The following DEUP1 variants were observed in gnomAD, a reference collection of about 807,000 sequenced individuals.
The protein encoded by DEUP1 is coiled-coil domain containing 67.
DEUP1 carries 82 observed loss-of-function variants against 87.4 expected under a neutral mutation model. The observed-to-expected ratio is 0.94, with a 90% CI of 0.78 to 1.13. The LOEUF (loss-of-function observed/expected upper bound fraction) is 1.13, where lower values mean the gene tolerates loss of function less well. Ranked by LOEUF, DEUP1 falls within the 50% of genes most tolerant of loss-of-function variation. DEUP1 has a pLI of 0.00. For missense variants in DEUP1, 663 were observed against 681.5 expected (o/e 0.97, Z 0.30); for synonymous variants, 214 against 222.7 (o/e 0.96, Z 0.35).
chr11:93,361,585 A>C (rs1022378246), intron 4 of DEUP1, among the ~76,000 whole-genome samples: 3 of 152,100 alleles, frequency 2.0e-5, no homozygotes. Context: ...GTGATAAATT[A>C]TGTAAATATA....
chr11:93,381,231 A>G (rs555108559), intron 7 of DEUP1, among the ~76,000 whole-genome samples: 58 of 152,318 alleles, frequency 3.8e-4, no homozygotes, highest in Non-Finnish European at 7.4e-4. Flanking sequence ...AACTAAACAG[A>G]TGGGCTTTAA....
At chr11:93,387,149 A>C (rs1946598051) in intron 8 of DEUP1, among the ~76,000 whole-genome samples, 1 of 152,194 alleles carries the variant, frequency 6.6e-6, no homozygotes, top group Non-Finnish European at 1.5e-5. Context: ...AGATTTGATG[A>C]AAAGGTATAA....
At position 93,364,603 on chromosome 11, in the gene DEUP1, TA is replaced by T. The variant is rs370017571; in HGVS notation, c.432+312del. On this transcript the variant is annotated intron_variant, in intron 5 of 13. Transcript: ENST00000298050. Reference sequence around the variant, plus strand: ...ATTGAAGGACACCCCTGGGGTCAGTTAAAGTGAATATCTAATAAATCTTTTA... The same window carrying T: ...ATTGAAGGACACCCCTGGGGTCAGTTAAGTGAATATCTAATAAATCTTTTA... Among the ~76,000 whole-genome samples, 339 of 152,096 alleles carry T rather than the reference TA, an allele frequency of 2.2e-3. 2 individuals are homozygous for T. Among genetic ancestry groups the T allele is most frequent in the African/African-American group, 7.9e-3 (326 of 41,528 alleles).
intron 7 of DEUP1, among the ~76,000 whole-genome samples, chr11:93,383,161 C>T (rs12295955): frequency 0.23 from 35,709 of 152,128 alleles, 4,593 homozygotes; most frequent in South Asian, 0.37. Context: ...AGAGCTTATA[C>T]ATTAATTTTC....
At chr11:93,371,514 C>T (rs1464481675) in intron 7 of DEUP1, among the ~76,000 whole-genome samples, 1 of 152,088 alleles carries the variant, frequency 6.6e-6, no homozygotes, top group African/African-American at 2.4e-5. Flanking sequence ...AATGTATTAC[C>T]AGTGCAATAT....
At chr11:93,364,424 C>A in intron 5 of DEUP1, 130 bp downstream of exon 5, 1 of 753,050 alleles carries the variant, frequency 1.3e-6, no homozygotes. Flanking sequence ...ACTAACTTCT[C>A]ACTGAATATA....
intron 13 of DEUP1, among the ~76,000 whole-genome samples, chr11:93,432,262 A>G (rs1369733540): frequency 6.6e-6 from 1 of 152,222 alleles, no homozygotes; most frequent in African/African-American, 2.4e-5. Context: ...AGAGGTAAGA[A>G]GAAATAGGAT....
chr11:93,349,801 A>G (rs1944540211), intron 2 of DEUP1, among the ~76,000 whole-genome samples: 1 of 152,230 alleles, frequency 6.6e-6, no homozygotes, highest in Admixed American at 6.5e-5. Context: ...AGACCACCCA[A>G]ATGAAAACAA....
intron 2 of DEUP1, among the ~76,000 whole-genome samples, chr11:93,353,693 A>C (rs1431335073): frequency 6.6e-6 from 1 of 152,222 alleles, no homozygotes; most frequent in African/African-American, 2.4e-5. Flanking sequence ...GTTCAACAAC[A>C]TGTGAAAGCT....
chr11:93,349,280 A>G (rs970728909), intron 2 of DEUP1, among the ~76,000 whole-genome samples: 1 of 152,222 alleles, frequency 6.6e-6, no homozygotes, highest in African/African-American at 2.4e-5. Flanking sequence ...ATAAATACAC[A>G]GCTCTACCAT....
chr11:93,380,549 G>A lies in DEUP1; in HGVS notation c.790-4849G>A, dbSNP rs562356173. Among the ~76,000 whole-genome samples, 98 of 151,892 alleles carry A rather than the reference G, an allele frequency of 6.5e-4. 1 individual carries two copies. Among genetic ancestry groups the A allele is most frequent in the Non-Finnish European group, 1.8e-4 (12 of 67,930 alleles). ...CCTAGTAGCTGGGACTACAGGTGCC[G>A]GCCACCATGCTCGGCTATTTTTTTT... On this transcript the variant is annotated intron_variant, in intron 7 of 13. Coordinates refer to ENST00000298050, the MANE Select transcript of DEUP1 (RefSeq NM_181645.4).
intron 4 of DEUP1, among the ~76,000 whole-genome samples, chr11:93,358,461 G>A (rs1945002072): frequency 6.6e-6 from 1 of 152,106 alleles, no homozygotes. Flanking sequence ...CTCCCCTCCT[G>A]GAGATTAAGG....
chr11:93,368,460 G>T (rs1945533428), intron 5 of DEUP1, among the ~76,000 whole-genome samples: 1 of 152,234 alleles, frequency 6.6e-6, no homozygotes, highest in African/African-American at 2.4e-5. Context: ...CAGGAGGCAT[G>T]GTTGGGGAGG....
Position 93,355,555 on chromosome 11 carries a change from TATGTTAACAAATTGCTAATTC to T in DEUP1, c.201+16_201+36del, listed in dbSNP as rs751734785. 6.3e-6 allele frequency: 10 copies of T among 1,596,144 alleles called. No homozygotes were observed. The highest frequency in any genetic ancestry group is 8.5e-6 in the Non-Finnish European group (10 of 1,170,604). Reference sequence around the variant, plus strand: ...GAAAGGTCAAGAGGTACTGAATACATATGTTAACAAATTGCTAATTCATCAGACTGTTACATATAGTATTCT... The same window carrying T: ...GAAAGGTCAAGAGGTACTGAATACATATCAGACTGTTACATATAGTATTCT... On this transcript the variant is annotated intron_variant, in intron 3 of 13. Coordinates refer to ENST00000298050, the MANE Select transcript of DEUP1 (RefSeq NM_181645.4).
chr11:93,371,100 C>G lies in DEUP1; in HGVS notation c.609C>G (p.Ser203Arg), dbSNP rs1191314944. The G allele has an allele frequency of 1.2e-6, 2 of 1,612,448 alleles. No individual in the cohort carries two copies. ...NGKKQCLEDSSSEIPRLICDP... is the reference protein window; with the variant it reads ...NGKKQCLEDSRSEIPRLICDP... ...AAAAACAGTGCTTAGAAGACAGCAG[C>G]TCTGAAATTCCTCGTTTGATATGTG... The change falls in exon 7 of 14, where the codon AGC becomes AGG. Residue 203 changes from serine (S) to arginine (R), a missense_variant. Coordinates refer to ENST00000298050, the MANE Select transcript of DEUP1 (RefSeq NM_181645.4).
chr11:93,392,472 CA>C (rs2134353648), intron 9 of DEUP1, among the ~76,000 whole-genome samples: 1 of 152,178 alleles, frequency 6.6e-6, no homozygotes, highest in African/African-American at 2.4e-5. Context: ...CTACTTAGAA[CA>C]CACAAAAAGA....
At chr11:93,376,085 T>A (rs11499629) in intron 7 of DEUP1, among the ~76,000 whole-genome samples, 36,872 of 151,982 alleles carry the variant, frequency 0.24, 4,804 homozygotes, top group South Asian at 0.38. Flanking sequence ...GAGAGCTGGG[T>A]TTACAGGTGC....
intron 13 of DEUP1, among the ~76,000 whole-genome samples, chr11:93,427,581 T>C (rs1251302754): frequency 6.6e-6 from 1 of 151,054 alleles, no homozygotes; most frequent in African/African-American, 2.4e-5. Flanking sequence ...ACTTCATGTC[T>C]AAAACACCAA....
chr11:93,416,840 T>G (rs999482048), intron 13 of DEUP1, among the ~76,000 whole-genome samples: 3 of 151,724 alleles, frequency 2.0e-5, no homozygotes, highest in African/African-American at 7.3e-5. Flanking sequence ...CATGATCGAG[T>G]GGGCTTCATC....
Sources: gnomAD v4.1 joint callset for allele counts (sites outside exome capture counted in the v4.1 genomes callset) on GRCh38, gnomAD v4.1.1 for gene constraint, MANE v1.5 for transcripts, NCBI Gene and HGNC (gene_info 2026-07-23, HGNC 2026-07-21) for gene names.